EYA2: variants seen among roughly 807,000 people sequenced by gnomAD.
EYA2 encodes EYA transcriptional coactivator and phosphatase 2, also known as protein phosphatase EYA2.
In EYA2, 31 loss-of-function variants were observed where a neutral mutation model predicts 69.2. That is an observed-to-expected ratio of 0.45 (90% CI 0.34 to 0.60). EYA2 has a LOEUF of 0.60. Among genes scored for constraint, EYA2 ranks in the 20% least tolerant of loss-of-function variants. EYA2 has a pLI of 0.02. For synonymous variants in EYA2, 257 were observed against 279.4 expected (o/e 0.92, Z 0.80); for missense variants, 622 against 701.2 (o/e 0.89, Z 1.28).
intron 9 of EYA2, among the ~76,000 whole-genome samples, chr20:47,125,284 T>C (rs2033159232): frequency 6.6e-6 from 1 of 152,070 alleles, no homozygotes; most frequent in African/African-American, 2.4e-5. Flanking sequence ...CTTGATCTCC[T>C]GACCTCGTGA....
intron 1 of EYA2, among the ~76,000 whole-genome samples, chr20:46,909,604 A>G (rs531193827): frequency 6.6e-6 from 1 of 152,244 alleles, no homozygotes; most frequent in Non-Finnish European, 1.5e-5. Flanking sequence ...GGCTGGTTTC[A>G]GGTACAGCTG....
chr20:47,012,563 G>A (rs771754013), intron 4 of EYA2, among the ~76,000 whole-genome samples: 18 of 152,162 alleles, frequency 1.2e-4, no homozygotes, highest in Non-Finnish European at 2.4e-4. Context: ...GCATGATCTT[G>A]GCTCACTGCA....
At chr20:47,106,588 C>G (rs1283098173) in intron 9 of EYA2, among the ~76,000 whole-genome samples, 1 of 152,238 alleles carries the variant, frequency 6.6e-6, no homozygotes, top group East Asian at 1.9e-4. Context: ...TGACATGTAT[C>G]TGGTTCCTGT....
intron 11 of EYA2, among the ~76,000 whole-genome samples, chr20:47,170,188 G>T (rs947432431): frequency 4.0e-5 from 6 of 151,882 alleles, no homozygotes; most frequent in Non-Finnish European, 7.4e-5. Context: ...GGTTACAGGC[G>T]TGAGCCACCG....
intron 15 of EYA2, 49 bp from the exon 16 acceptor site, chr20:47,188,004 G>A (rs770313458): frequency 1.7e-5 from 26 of 1,540,684 alleles, no homozygotes; most frequent in South Asian, 2.4e-5. Context: ...CGTGGAACCC[G>A]GGGGCAGGGG....
At chr20:47,078,297 A>G (rs1323490153) in intron 7 of EYA2, among the ~76,000 whole-genome samples, 1 of 151,120 alleles carries the variant, frequency 6.6e-6, no homozygotes, top group Non-Finnish European at 1.5e-5. Context: ...ATTTAAGCAT[A>G]TGTGTGTGCA....
intron 1 of EYA2, among the ~76,000 whole-genome samples, chr20:46,969,610 T>C (rs1185501082): frequency 6.6e-6 from 1 of 152,232 alleles, no homozygotes; most frequent in Non-Finnish European, 1.5e-5. Context: ...TTACTATGGC[T>C]TTGGTTTCAC....
At position 47,188,058 on chromosome 20, in the gene EYA2, C is replaced by T. The variant is rs1273581836; in HGVS notation, c.1542C>T (p.Asn514=). 2 of 1,569,252 alleles carry T rather than the reference C, an allele frequency of 1.3e-6. No individual in the cohort carries two copies. Among genetic ancestry groups the T allele is most frequent in the Non-Finnish European group, 8.6e-7 (1 of 1,156,792 alleles). ...VEEEQGAKKH[N]MPFWRISCHA... The stretch of plus-strand genomic sequence containing the variant: ...GCTGGTGTTCTGTGTTTCAGCACAA[C>T]ATGCCTTTCTGGCGGATATCCTGCC... The change falls in exon 16 of 16, where the codon AAC becomes AAT. Residue 514 remains asparagine (N), a synonymous_variant. Coordinates refer to ENST00000327619, the MANE Select transcript of EYA2 (RefSeq NM_005244.5).
At chr20:46,915,667 G>A (rs968624688) in intron 1 of EYA2, among the ~76,000 whole-genome samples, 1 of 152,134 alleles carries the variant, frequency 6.6e-6, no homozygotes, top group Admixed American at 6.5e-5. Flanking sequence ...ATGAGTTGCC[G>A]GCATTTAAAA....
At chr20:46,948,268 A>T (rs1206751) in intron 1 of EYA2, among the ~76,000 whole-genome samples, 62,716 of 152,064 alleles carry the variant, frequency 0.41, 13,468 homozygotes, top group Non-Finnish European at 0.47. Flanking sequence ...TATTCAGTGC[A>T]GCAGTTGTCA....
rs559489892 is a variant in EYA2 at position 46,989,111 on chromosome 20, G to GC, written c.-10-884dup. On this transcript the variant is annotated intron_variant, in intron 1 of 15. Transcript: ENST00000327619. ...ACCTCATCCCTACTCTCCCCTGCCCGCCCCCCATAACATATTATAAAAATC... is the reference window on the plus strand; with the variant it reads ...ACCTCATCCCTACTCTCCCCTGCCCGCCCCCCCATAACATATTATAAAAATC... 3.7e-3 allele frequency among the ~76,000 whole-genome samples: 565 copies of GC among 152,084 alleles called. 3 individuals are homozygous for GC. Among genetic ancestry groups the GC allele is most frequent in the African/African-American group, 0.013 (533 of 41,466 alleles).
intron 8 of EYA2, 99 bp from the exon 9 acceptor site, chr20:47,096,986 C>A: frequency 3.5e-6 from 3 of 859,840 alleles, no homozygotes; most frequent in Non-Finnish European, 5.6e-6. Context: ...TAATGTTTTT[C>A]GAGACTTCTT....
chr20:46,915,297 C>T (rs1383934608), intron 1 of EYA2, among the ~76,000 whole-genome samples: 1 of 152,186 alleles, frequency 6.6e-6, no homozygotes, highest in African/African-American at 2.4e-5. Context: ...AAACCTCAGC[C>T]GGGGAAGAGA....
chr20:47,107,223 A>G lies in EYA2; in HGVS notation c.888+10055A>G, dbSNP rs74464916. Among the ~76,000 whole-genome samples the G allele has an allele frequency of 8.8e-3, 1,334 of 152,258 alleles. 15 individuals are homozygous for G. Among genetic ancestry groups the G allele is most frequent in the Middle Eastern group, 0.027 (8 of 294 alleles). On this transcript the variant is annotated intron_variant, in intron 9 of 15. Coordinates refer to ENST00000327619, the MANE Select transcript of EYA2 (RefSeq NM_005244.5). Reference sequence around the variant, plus strand: ...GGGAGAGGAAGGAAGATGATAAGCAAGACACATAGAAATGCAAGTGGCCAG... The same window carrying G: ...GGGAGAGGAAGGAAGATGATAAGCAGGACACATAGAAATGCAAGTGGCCAG...
chr20:46,962,501 C>T (rs2065552), intron 1 of EYA2, among the ~76,000 whole-genome samples: 20,796 of 151,878 alleles, frequency 0.14, 3,252 homozygotes, highest in African/African-American at 0.39. Context: ...TGGGCCATTC[C>T]ACATAGGCCC....
intron 9 of EYA2, among the ~76,000 whole-genome samples, chr20:47,126,598 A>G (rs1263202412): frequency 6.6e-6 from 1 of 152,098 alleles, no homozygotes; most frequent in Non-Finnish European, 1.5e-5. Flanking sequence ...CATTTAGTTC[A>G]TCTCTTAGTT....
intron 9 of EYA2, among the ~76,000 whole-genome samples, chr20:47,123,645 G>A (rs2033107038): frequency 6.6e-6 from 1 of 152,140 alleles, no homozygotes; most frequent in South Asian, 2.1e-4. Context: ...TTATAGATTA[G>A]AATTTCATGC....
chr20:47,032,914 A>G (rs1984498438), intron 5 of EYA2, among the ~76,000 whole-genome samples: 1 of 152,196 alleles, frequency 6.6e-6, no homozygotes, highest in Admixed American at 6.5e-5. Context: ...GCAATCTTGA[A>G]TTTTGGTTGC....
chr20:47,152,384 C>CT (rs201890248), intron 10 of EYA2, among the ~76,000 whole-genome samples: 25,596 of 141,964 alleles, frequency 0.18, 2,330 homozygotes, highest in African/African-American at 0.23. Flanking sequence ...GGGAGTGTAC[C>CT]TTTTTTTTTT....
Sources: gnomAD v4.1 joint callset for allele counts (sites outside exome capture counted in the v4.1 genomes callset) on GRCh38, gnomAD v4.1.1 for gene constraint, MANE v1.5 for transcripts, NCBI Gene and HGNC (gene_info 2026-07-23, HGNC 2026-07-21) for gene names.